Variants in M1AP observed in about 807,000 individuals in gnomAD.
The protein encoded by M1AP is meiosis 1 associated protein.
M1AP carries 39 observed loss-of-function variants against 51.2 expected under a neutral mutation model. That is an observed-to-expected ratio of 0.76 (90% CI 0.59 to 1.00). M1AP has a LOEUF of 1.00. Ranked by LOEUF, M1AP falls within the 50% of genes least tolerant of loss-of-function variation. The probability of loss-of-function intolerance (pLI) is 0.00; values close to 1 mark genes in which losing one functional copy is unlikely to be tolerated. For synonymous variants in M1AP, 251 were observed against 249.2 expected (o/e 1.01, Z -0.07); for missense variants, 545 against 641.2 (o/e 0.85, Z 1.62).
intron 7 of M1AP, among the ~76,000 whole-genome samples, chr2:74,566,185 G>A (rs373680087): frequency 6.6e-6 from 1 of 152,158 alleles, no homozygotes; most frequent in Non-Finnish European, 1.5e-5. Flanking sequence ...AAGATATTGC[G>A]TGTGTCAACA....
intron 4 of M1AP, among the ~76,000 whole-genome samples, chr2:74,597,373 A>G (rs1271675156): frequency 6.6e-6 from 1 of 152,244 alleles, no homozygotes; most frequent in Non-Finnish European, 1.5e-5. Context: ...AAAGGCAGAC[A>G]CAATGAACAG....
At chr2:74,636,713 T>C (rs1224697642) in intron 2 of M1AP, among the ~76,000 whole-genome samples, 1 of 152,106 alleles carries the variant, frequency 6.6e-6, no homozygotes, top group African/African-American at 2.4e-5. Context: ...TCAAATGAAG[T>C]GTAGAAAACT....
At chr2:74,626,897 C>T (rs1035038331) in intron 2 of M1AP, among the ~76,000 whole-genome samples, 3 of 152,100 alleles carry the variant, frequency 2.0e-5, no homozygotes, top group South Asian at 2.1e-4. Context: ...AGTATCACAT[C>T]GTTTTGAATA....
Position 74,560,353 on chromosome 2 carries a change from G to A in M1AP, c.1282-62C>T, listed in dbSNP as rs990827270. ...TAAGATCACAGAACACAAGATGTCAGGTAGCGATCCAGGAGTGTGAGGGGC... is the reference window on the plus strand; with the variant it reads ...TAAGATCACAGAACACAAGATGTCAAGTAGCGATCCAGGAGTGTGAGGGGC... On this transcript the variant is annotated intron_variant, in intron 8 of 10. Coordinates refer to ENST00000421985, the MANE Select transcript of M1AP (RefSeq NM_001321739.2). The A allele has an allele frequency of 7.9e-6, 12 of 1,512,380 alleles. No individual in the cohort carries two copies. In the African/African-American group the frequency reaches 1.3e-4, roughly 16 times the overall value. 93.7% of individuals were successfully genotyped at this position (1,512,380 alleles called of 1,614,324 possible).
At position 74,593,754 on chromosome 2, in the gene M1AP, T is replaced by A. The variant is rs577473776; in HGVS notation, c.596-11907A>T. 2.6e-5 allele frequency among the ~76,000 whole-genome samples: 4 copies of A among 152,222 alleles called. No individual in the cohort carries two copies. The East Asian group carries it at 7.7e-4, about 29-fold the overall frequency. On this transcript the variant is annotated intron_variant, in intron 4 of 10. Coordinates refer to ENST00000421985, the MANE Select transcript of M1AP (RefSeq NM_001321739.2). ...AAAGTAGACAGACTTTGGAGAGGAG[T>A]TGAAACTTGGAGTAACCAAGTAAAC... is the stretch of plus-strand genomic sequence containing the variant.
At chr2:74,586,196 T>C (rs545156454) in intron 4 of M1AP, among the ~76,000 whole-genome samples, 1 of 152,376 alleles carries the variant, frequency 6.6e-6, no homozygotes, top group East Asian at 1.9e-4. Context: ...ATTTGTAATA[T>C]AGTTCACATT....
intron 2 of M1AP, among the ~76,000 whole-genome samples, chr2:74,634,696 T>C (rs1289523815): frequency 6.6e-6 from 1 of 152,174 alleles, no homozygotes; most frequent in East Asian, 1.9e-4. Context: ...GTAGGTTTTA[T>C]CATGAGTGGA....
chr2:74,614,358 T>C (rs559390103), intron 3 of M1AP, among the ~76,000 whole-genome samples: 2 of 152,324 alleles, frequency 1.3e-5, no homozygotes, highest in South Asian at 2.1e-4. Flanking sequence ...ACATGAAGAA[T>C]TGGAAACCAG....
At chr2:74,631,127 G>T (rs942812241) in intron 2 of M1AP, among the ~76,000 whole-genome samples, 1 of 152,158 alleles carries the variant, frequency 6.6e-6, no homozygotes, top group Non-Finnish European at 1.5e-5. Flanking sequence ...TTTGCTTTGT[G>T]ATCAAGTCTG....
intron 1 of M1AP, chr2:74,647,952 G>A: frequency 2.2e-6 from 2 of 911,162 alleles, no homozygotes; most frequent in Non-Finnish European, 2.6e-6. Flanking sequence ...AGCCTCCGTG[G>A]TCCCTCGGCA....
intron 3 of M1AP, among the ~76,000 whole-genome samples, chr2:74,612,347 G>A (rs1199711411): frequency 6.6e-6 from 1 of 152,040 alleles, no homozygotes; most frequent in East Asian, 1.9e-4. Flanking sequence ...GCCTCCCAAA[G>A]TAGCTAGGAC....
chr2:74,576,835 C>T (rs771490910), intron 5 of M1AP: 11 of 1,308,348 alleles, frequency 8.4e-6, no homozygotes, highest in Non-Finnish European at 1.0e-5. Flanking sequence ...GTATCTCTAT[C>T]GCTCTACATA....
At chr2:74,582,748 T>C (rs1380216512) in intron 4 of M1AP, among the ~76,000 whole-genome samples, 2 of 152,156 alleles carry the variant, frequency 1.3e-5, no homozygotes, top group African/African-American at 4.8e-5. Context: ...AGGTGGGGCA[T>C]GGTGGCTCAC....
chr2:74,586,101 G>A (rs1679689103), intron 4 of M1AP, among the ~76,000 whole-genome samples: 1 of 152,166 alleles, frequency 6.6e-6, no homozygotes, highest in Non-Finnish European at 1.5e-5. Flanking sequence ...CATCCTTGAA[G>A]ACCGAGTTCA....
At chr2:74,570,857 C>T (rs531442649) in intron 7 of M1AP, among the ~76,000 whole-genome samples, 1 of 152,146 alleles carries the variant, frequency 6.6e-6, no homozygotes, top group Admixed American at 6.5e-5. Context: ...AGAATCAGTG[C>T]TGAATCAGAT....
Position 74,613,078 on chromosome 2 carries a change from C to T in M1AP, c.426+1886G>A, listed in dbSNP as rs1681464098. 2.0e-5 allele frequency among the ~76,000 whole-genome samples: 3 copies of T among 152,166 alleles called. No individual in the cohort carries two copies. In the South Asian group the frequency reaches 6.2e-4, roughly 31 times the overall value. ...GCCATAGGTCTACAAATAAGCCCAT[C>T]ACAGACATTCTTCACATCTATTACA... On this transcript the variant is annotated intron_variant, in intron 3 of 10. Transcript: ENST00000421985.
chr2:74,644,576 C>G (rs954500326), intron 1 of M1AP, among the ~76,000 whole-genome samples: 4 of 151,880 alleles, frequency 2.6e-5, no homozygotes, highest in African/African-American at 9.7e-5. Context: ...ATGTATTTCC[C>G]CAAATGAATC....
intron 6 of M1AP, 85 bp downstream of exon 6, chr2:74,576,371 G>T (rs1243698440): frequency 1.4e-6 from 2 of 1,423,020 alleles, no homozygotes; most frequent in Non-Finnish European, 1.9e-6. Context: ...ACACTTAAGA[G>T]ATACCATCTA....
At chr2:74,642,971 G>A (rs1215663678) in intron 1 of M1AP, among the ~76,000 whole-genome samples, 1 of 152,110 alleles carries the variant, frequency 6.6e-6, no homozygotes, top group South Asian at 2.1e-4. Flanking sequence ...AACCGGCTCT[G>A]CCACCCAAAA....
Sources: allele counts gnomAD v4.1 joint callset (sites outside exome capture counted in the v4.1 genomes callset), GRCh38; gene constraint gnomAD v4.1.1; transcripts MANE v1.5; gene names NCBI Gene and HGNC (gene_info 2026-07-23, HGNC 2026-07-21).